The following MYOF variants were observed in gnomAD, a reference collection of about 807,000 sequenced individuals.
The protein encoded by MYOF is myoferlin.
MYOF carries 244 observed loss-of-function variants against 284.2 expected under a neutral mutation model. The ratio of observed to expected loss-of-function variants is 0.86; its 90% CI spans 0.77 to 0.95. The LOEUF (loss-of-function observed/expected upper bound fraction) is 0.95, where lower values mean the gene tolerates loss of function less well. Among genes scored for constraint, MYOF ranks in the 40% least tolerant of loss-of-function variants. The probability of loss-of-function intolerance (pLI) is 0.00; values close to 1 mark genes in which losing one functional copy is unlikely to be tolerated. For synonymous variants in MYOF, 904 were observed against 919.7 expected, an observed-to-expected ratio of 0.98 and a Z score of 0.31; for missense variants, 2,496 against 2,560.6, an observed-to-expected ratio of 0.97 and a Z score of 0.54.
intron 38 of MYOF, 126 bp from the exon 39 acceptor site, chr10:93,340,290 A>G: frequency 2.3e-6 from 2 of 887,070 alleles, no homozygotes; most frequent in East Asian, 5.2e-5. Context: ...CATGCCTTAT[A>G]TTATCAACAT....
chr10:93,353,969 C>A, intron 31 of MYOF, 81 bp from the exon 32 acceptor site: 1 of 1,134,362 alleles, frequency 8.8e-7, no homozygotes, highest in Non-Finnish European at 1.3e-6. Flanking sequence ...GGAAAAAATA[C>A]ATGTTTCTGA....
intron 3 of MYOF, among the ~76,000 whole-genome samples, chr10:93,449,309 A>G (rs1488259193): frequency 1.3e-5 from 2 of 152,236 alleles, no homozygotes; most frequent in Admixed American, 1.3e-4. Context: ...TATTTGTGTT[A>G]ATCTGGCAAC....
chr10:93,319,903 G>T lies in MYOF; in HGVS notation c.5567C>A (p.Pro1856Gln), dbSNP rs1296798572. ...WRFVFPFDYL[P>Q]AEQLCIVAKK... ...CGCAACGATACAGAGTTGTTCGGCT[G>T]GAAGGTAGTCAAACGGGAAAACAAA... Residue 1856 changes from proline to glutamine, a missense_variant, in exon 49 of 54, where the codon CCA becomes CAA. Physicochemically the swap from Pro to Gln is moderately conservative, Grantham distance 76 (BLOSUM62 -1). Transcript: ENST00000359263. 6.2e-7 allele frequency: 1 copy of T among 1,614,152 alleles called. No individual in the cohort carries two copies.
intron 5 of MYOF, among the ~76,000 whole-genome samples, chr10:93,422,977 T>C (rs985778409): frequency 1.3e-5 from 2 of 152,106 alleles, no homozygotes; most frequent in Non-Finnish European, 2.9e-5. Flanking sequence ...TTTTGGCTCT[T>C]GGAATGGAAT....
chr10:93,456,185 T>C (rs888767648), intron 2 of MYOF, among the ~76,000 whole-genome samples: 2 of 152,238 alleles, frequency 1.3e-5, no homozygotes, highest in Admixed American at 6.5e-5. Flanking sequence ...TATGGGCATA[T>C]GCTTAGGATA....
intron 19 of MYOF, 52 bp downstream of exon 19, chr10:93,387,745 C>A: frequency 6.7e-7 from 1 of 1,489,346 alleles, no homozygotes; most frequent in Non-Finnish European, 9.4e-7. Context: ...CCCCTTCAGT[C>A]CCTGGAGGTC....
intron 38 of MYOF, among the ~76,000 whole-genome samples, chr10:93,343,589 G>A (rs1224252151): frequency 1.3e-5 from 2 of 152,184 alleles, no homozygotes. Flanking sequence ...TCTCCCTCTT[G>A]GGAGGTGGGG....
chr10:93,404,874 T>C (rs1323121763), intron 7 of MYOF, among the ~76,000 whole-genome samples: 2 of 152,192 alleles, frequency 1.3e-5, no homozygotes, highest in Non-Finnish European at 2.9e-5. Context: ...TTGACCACAT[T>C]GTAAAAGCTA....
At chr10:93,307,543 G>A (rs10882218) in intron 53 of MYOF, among the ~76,000 whole-genome samples, 21,954 of 151,840 alleles carry the variant, frequency 0.14, 1,783 homozygotes, top group Middle Eastern at 0.28. Context: ...CTCGTGATCC[G>A]CCTGCCTCGG....
chr10:93,388,679 T>C (rs1473219351), intron 18 of MYOF, among the ~76,000 whole-genome samples: 1 of 152,178 alleles, frequency 6.6e-6, no homozygotes, highest in African/African-American at 2.4e-5. Flanking sequence ...AATGAAAGGA[T>C]TGATCAGATC....
intron 16 of MYOF, among the ~76,000 whole-genome samples, chr10:93,394,213 T>A (rs1846843592): frequency 6.6e-6 from 1 of 152,044 alleles, no homozygotes; most frequent in African/African-American, 2.4e-5. Context: ...GTGATTCTCC[T>A]GCCTCAGCCT....
At chr10:93,407,666 A>G (rs1301612458) in intron 7 of MYOF, among the ~76,000 whole-genome samples, 3 of 148,420 alleles carry the variant, frequency 2.0e-5, no homozygotes, top group Non-Finnish European at 3.0e-5. Flanking sequence ...TGAACCCAAG[A>G]GGCAGAGCTT....
chr10:93,447,881 A>C (rs567528532), intron 3 of MYOF, among the ~76,000 whole-genome samples: 1 of 152,166 alleles, frequency 6.6e-6, no homozygotes. Flanking sequence ...ATGGTCTCCC[A>C]GTATTGTTTT....
At chr10:93,308,071 C>T (rs1266255664) in intron 53 of MYOF, among the ~76,000 whole-genome samples, 99 of 132,452 alleles carry the variant, frequency 7.5e-4, no homozygotes, top group African/African-American at 2.7e-3. Context: ...GGTGAAACCC[C>T]GTCTCTACTA....
At chr10:93,379,774 C>A (rs771389726) in intron 21 of MYOF, 89 bp downstream of exon 21, 48 of 1,532,034 alleles carry the variant, frequency 3.1e-5, no homozygotes, top group Non-Finnish European at 4.0e-5. Context: ...GTACTAAGCA[C>A]TTTCTTGTGT....
At chr10:93,431,030 T>G (rs1476111153) in intron 4 of MYOF, among the ~76,000 whole-genome samples, 4 of 149,718 alleles carry the variant, frequency 2.7e-5, no homozygotes, top group African/African-American at 9.8e-5. Context: ...TTTTCTTTTT[T>G]TTTTTTTTTT....
chr10:93,408,725 C>A, intron 7 of MYOF, 62 bp downstream of exon 7: 1 of 1,604,898 alleles, frequency 6.2e-7, no homozygotes, highest in Non-Finnish European at 8.5e-7. Flanking sequence ...AGTGAAGCTG[C>A]TCCCGTGTTT....
At chr10:93,350,214 G>A (rs531003644) in intron 35 of MYOF, among the ~76,000 whole-genome samples, 25 of 152,212 alleles carry the variant, frequency 1.6e-4, no homozygotes, top group African/African-American at 6.0e-4. Context: ...TAATAGCTGT[G>A]TCAATGCTGA....
intron 24 of MYOF, among the ~76,000 whole-genome samples, chr10:93,370,300 A>C (rs750313261): frequency 2.7e-5 from 4 of 145,846 alleles, no homozygotes; most frequent in Middle Eastern, 7.0e-3. Flanking sequence ...TTGATCAAGC[A>C]GTAATGATTA....
Sources: gnomAD v4.1 joint callset for allele counts (sites outside exome capture counted in the v4.1 genomes callset) on GRCh38, gnomAD v4.1.1 for gene constraint, MANE v1.5 for transcripts, NCBI Gene and HGNC (gene_info 2026-07-23, HGNC 2026-07-21) for gene names.